The following TAFA2 variants were observed in gnomAD, a reference collection of about 807,000 sequenced individuals.
TAFA2 encodes TAFA chemokine like family member 2.
In TAFA2, 7 loss-of-function variants were observed where a neutral mutation model predicts 18.8. That is an observed-to-expected ratio of 0.37 (90% CI 0.21 to 0.70). The LOEUF (loss-of-function observed/expected upper bound fraction) is 0.70. Among genes scored for constraint, TAFA2 ranks in the 30% least tolerant of loss-of-function variants. The probability of loss-of-function intolerance (pLI) is 0.53; values close to 1 mark genes in which losing one functional copy is unlikely to be tolerated. For missense variants in TAFA2, 122 were observed against 158.1 expected, an observed-to-expected ratio of 0.77 and a Z score of 1.23; for synonymous variants, 60 against 54.2, an observed-to-expected ratio of 1.11 and a Z score of -0.47.
At chr12:62,257,162 ATGTGTGTGTGTGTGTG>A (rs71450578) in intron 1 of TAFA2, among the ~76,000 whole-genome samples, 1 of 50,916 alleles carries the variant, frequency 2.0e-5, no homozygotes, top group Admixed American at 2.7e-4. Context: ...ATACATATAT[ATGTGTGTGTGTGTGTG>A]TGTGTGTGTG....
At chr12:62,002,653 C>A (rs186327161) in intron 1 of TAFA2, among the ~76,000 whole-genome samples, 1 of 152,104 alleles carries the variant, frequency 6.6e-6, no homozygotes, top group African/African-American at 2.4e-5. Context: ...AAAACACAAC[C>A]CCTATCTTAA....
intron 2 of TAFA2, among the ~76,000 whole-genome samples, chr12:61,768,411 G>A (rs113215366): frequency 6.6e-5 from 10 of 152,186 alleles, no homozygotes; most frequent in African/African-American, 1.7e-4. Flanking sequence ...AAGAACTACC[G>A]CAGGGACATA....
chr12:62,171,125 GTTA>G (rs1055494936), intron 1 of TAFA2, among the ~76,000 whole-genome samples: 32 of 151,700 alleles, frequency 2.1e-4, no homozygotes, highest in African/African-American at 7.3e-4. Context: ...TACCCTTGTT[GTTA>G]TTATTTTAGT....
chr12:61,920,643 C>A (rs11614308), intron 1 of TAFA2, among the ~76,000 whole-genome samples: 5,125 of 152,174 alleles, frequency 0.034, 136 homozygotes, highest in Non-Finnish European at 0.049. Context: ...TTCTTGCACA[C>A]GTATGTGTGC....
At chr12:61,752,233 A>G (rs1356065166) in intron 4 of TAFA2, among the ~76,000 whole-genome samples, 1 of 151,998 alleles carries the variant, frequency 6.6e-6, no homozygotes, top group East Asian at 1.9e-4. Context: ...TGTTCAGTGT[A>G]TGGCATATGT....
At chr12:62,130,173 T>C (rs993751784) in intron 1 of TAFA2, among the ~76,000 whole-genome samples, 34 of 151,974 alleles carry the variant, frequency 2.2e-4, no homozygotes, top group African/African-American at 5.6e-4. Flanking sequence ...CCCAAGTGAC[T>C]GGAGGCCTGA....
intron 1 of TAFA2, among the ~76,000 whole-genome samples, chr12:61,910,052 CA>C (rs776380438): frequency 6.6e-5 from 10 of 151,634 alleles, no homozygotes; most frequent in Non-Finnish European, 1.5e-4. Flanking sequence ...AACAAGGCCC[CA>C]AAAGAGAGTA....
At chr12:62,236,489 T>A (rs7306858) in intron 1 of TAFA2, among the ~76,000 whole-genome samples, 26,408 of 151,916 alleles carry the variant, frequency 0.17, 2,522 homozygotes, top group African/African-American at 0.26. Flanking sequence ...ATGGTCTCCA[T>A]CTCCTGACCT....
At chr12:62,009,338 C>T (rs556511681) in intron 1 of TAFA2, among the ~76,000 whole-genome samples, 4 of 152,254 alleles carry the variant, frequency 2.6e-5, no homozygotes, top group Admixed American at 2.0e-4. Context: ...GCTCAACTTT[C>T]TTAGATGTAT....
chr12:61,999,254 G>A lies in TAFA2; in HGVS notation c.-1-131828C>T, dbSNP rs77893815. On this transcript the variant is annotated intron_variant, in intron 1 of 4. Coordinates refer to ENST00000416284, the MANE Select transcript of TAFA2 (RefSeq NM_178539.5). Reference sequence around the variant, plus strand: ...TCAGAAATGGTCTCATGTCCCATACGCTTCATGCAATAGCCTCAGCACAAT... The same window carrying A: ...TCAGAAATGGTCTCATGTCCCATACACTTCATGCAATAGCCTCAGCACAAT... Among the ~76,000 whole-genome samples, 200 of 152,194 alleles carry A rather than the reference G, an allele frequency of 1.3e-3. 4 individuals are homozygous for A. The highest frequency in any genetic ancestry group is 0.011 in the Admixed American group (166 of 15,280).
At chr12:61,744,735 C>T (rs1421932488) in intron 4 of TAFA2, among the ~76,000 whole-genome samples, 1 of 151,866 alleles carries the variant, frequency 6.6e-6, no homozygotes, top group African/African-American at 2.4e-5. Context: ...TTGTTTTTTA[C>T]AGACTGGGTC....
intron 1 of TAFA2, among the ~76,000 whole-genome samples, chr12:62,115,774 C>T (rs143063552): frequency 1.8e-3 from 281 of 152,294 alleles, no homozygotes; most frequent in African/African-American, 6.5e-3. Flanking sequence ...GTGGTATCCA[C>T]TCTGACATCC....
intron 1 of TAFA2, among the ~76,000 whole-genome samples, chr12:62,158,374 T>A (rs1565764431): frequency 1.3e-5 from 2 of 152,224 alleles, no homozygotes; most frequent in East Asian, 3.8e-4. Context: ...TAAAACACAT[T>A]CTTTTGGTAC....
intron 1 of TAFA2, among the ~76,000 whole-genome samples, chr12:61,930,074 G>A (rs545652069): frequency 1.1e-4 from 17 of 151,920 alleles, no homozygotes; most frequent in East Asian, 5.8e-4. Flanking sequence ...GTTGATGGGC[G>A]CAGCACACCA....
chr12:61,854,485 A>G (rs946618661), intron 2 of TAFA2, among the ~76,000 whole-genome samples: 2 of 151,976 alleles, frequency 1.3e-5, no homozygotes, highest in African/African-American at 4.8e-5. Context: ...TGCCAGATAA[A>G]AGGGTCCAAA....
At chr12:62,064,132 G>A (rs536004756) in intron 1 of TAFA2, among the ~76,000 whole-genome samples, 2 of 152,186 alleles carry the variant, frequency 1.3e-5, no homozygotes, top group South Asian at 4.1e-4. Flanking sequence ...TTAAGGTTAA[G>A]TAACTAACAA....
intron 2 of TAFA2, among the ~76,000 whole-genome samples, chr12:61,771,581 C>G (rs1305056158): frequency 1.3e-5 from 2 of 151,866 alleles, no homozygotes; most frequent in Admixed American, 1.3e-4. Flanking sequence ...ACAAAACCCT[C>G]AAAATTATGC....
chr12:61,851,319 A>G (rs1873633499), intron 2 of TAFA2, among the ~76,000 whole-genome samples: 1 of 152,082 alleles, frequency 6.6e-6, no homozygotes, highest in Non-Finnish European at 1.5e-5. Context: ...AAGCAATAAA[A>G]CCCGAAAAGC....
In TAFA2 at chr12:61,708,907, G is replaced by T. The variant is rs1869264648; in HGVS notation, c.*1499C>A. 1 of 152,156 alleles carries T rather than the reference G, an allele frequency of 6.6e-6. No homozygotes were observed. Among genetic ancestry groups the T allele is most frequent in the African/African-American group, 2.4e-5 (1 of 41,444 alleles). 9.4% of individuals were successfully genotyped at this position (152,156 alleles called of 1,614,324 possible). ...CGTATGTCTAACTGACCACGTCAGT[G>T]AGTTTTTAGAATACAAAGTATTTCC... is the stretch of plus-strand genomic sequence containing the variant. On this transcript the variant is annotated 3_prime_UTR_variant, in exon 5 of 5. Transcript: ENST00000416284.
Sources: gnomAD v4.1 joint callset for allele counts (sites outside exome capture counted in the v4.1 genomes callset) on GRCh38, gnomAD v4.1.1 for gene constraint, MANE v1.5 for transcripts, NCBI Gene and HGNC (gene_info 2026-07-23, HGNC 2026-07-21) for gene names.